Variants in LOC400499 observed in about 807,000 individuals in gnomAD.
chr16:11,379,447 G>A, the LOC400499 span, among the ~76,000 whole-genome samples: 1 of 152,198 alleles, frequency 6.6e-6, no homozygotes, highest in South Asian at 2.1e-4. Flanking sequence ...GGTCGATTTT[G>A]TCTGATATTA....
the LOC400499 span, among the ~76,000 whole-genome samples, chr16:11,420,993 A>C: frequency 6.6e-6 from 1 of 152,074 alleles, no homozygotes; most frequent in African/African-American, 2.4e-5. Context: ...CCTGAGTTTC[A>C]GGGGCTCTGT....
the LOC400499 span, among the ~76,000 whole-genome samples, chr16:11,521,276 C>T: frequency 2.0e-5 from 3 of 152,024 alleles, no homozygotes; most frequent in South Asian, 2.1e-4. Context: ...AACTAAAAGG[C>T]CTTTTATGTG....
chr16:11,498,776 G>A, the LOC400499 span, among the ~76,000 whole-genome samples: 2 of 151,714 alleles, frequency 1.3e-5, no homozygotes, highest in Non-Finnish European at 2.9e-5. Context: ...CAAGCCGATC[G>A]ATGCCACCTG....
the LOC400499 span, among the ~76,000 whole-genome samples, chr16:11,409,905 T>G: frequency 3.4e-3 from 518 of 152,336 alleles, 1 homozygote; most frequent in Non-Finnish European, 6.1e-3. Context: ...ATATTAACAA[T>G]TGGTCAATGT....
At chr16:11,491,699 A>G in the LOC400499 span, 1 of 380,028 alleles carries the variant, frequency 2.6e-6, no homozygotes, top group East Asian at 3.7e-5. Context: ...CCCATGGCTC[A>G]CCCTGGGTGG....
chr16:11,454,537 G>C, the LOC400499 span, among the ~76,000 whole-genome samples: 68 of 152,336 alleles, frequency 4.5e-4, no homozygotes, highest in South Asian at 4.1e-4. Flanking sequence ...AGATTAGAGA[G>C]GATGCGGCTG....
the LOC400499 span, among the ~76,000 whole-genome samples, chr16:11,484,657 A>G: frequency 6.6e-6 from 1 of 152,136 alleles, no homozygotes; most frequent in Non-Finnish European, 1.5e-5. Context: ...GTACACTTAC[A>G]ACTTAGGGAC....
chr16:11,384,585 T>A, the LOC400499 span, among the ~76,000 whole-genome samples: 1 of 152,304 alleles, frequency 6.6e-6, no homozygotes, highest in East Asian at 1.9e-4. Flanking sequence ...CTCAAGTGGC[T>A]GGAATCCAGG....
the LOC400499 span, chr16:11,396,549 T>C: frequency 8.1e-7 from 1 of 1,232,138 alleles, no homozygotes; most frequent in Non-Finnish European, 1.0e-6. Context: ...CGAGGCCTGC[T>C]GTGGTTTTGG....
At chr16:11,456,904 C>T in the LOC400499 span, 8 of 1,536,142 alleles carry the variant, frequency 5.2e-6, no homozygotes, top group African/African-American at 2.7e-5. Context: ...TTCCACTGCC[C>T]GCCTGCCACA....
chr16:11,467,630 TA>T, the LOC400499 span, among the ~76,000 whole-genome samples: 1 of 151,642 alleles, frequency 6.6e-6, no homozygotes, highest in African/African-American at 2.4e-5. Context: ...AAAATAAAAA[TA>T]AAAAAACAAA....
At chr16:11,373,835 G>A in the LOC400499 span, among the ~76,000 whole-genome samples, 1 of 151,984 alleles carries the variant, frequency 6.6e-6, no homozygotes, top group Non-Finnish European at 1.5e-5. Flanking sequence ...GGTCATGCTG[G>A]TCTCAAACTC....
the LOC400499 span, among the ~76,000 whole-genome samples, chr16:11,506,136 A>C: frequency 6.6e-6 from 1 of 152,158 alleles, no homozygotes; most frequent in Admixed American, 6.5e-5. Flanking sequence ...TCCTGGGTTC[A>C]AGCGATTCTT....
At chr16:11,404,161 G>GCCCACAC in the LOC400499 span, among the ~76,000 whole-genome samples, 25 of 152,238 alleles carry the variant, frequency 1.6e-4, 1 homozygote, top group East Asian at 4.8e-3. Flanking sequence ...CCTAAAGGAG[G>GCCCACAC]CCCACACCCC....
chr16:11,437,426 G>A, the LOC400499 span, among the ~76,000 whole-genome samples: 20 of 152,308 alleles, frequency 1.3e-4, no homozygotes, highest in Admixed American at 1.2e-3. Context: ...GAGCGTGGTG[G>A]CATGCACCTG....
the LOC400499 span, among the ~76,000 whole-genome samples, chr16:11,473,403 G>A: frequency 1.5e-3 from 228 of 150,738 alleles, 1 homozygote; most frequent in African/African-American, 5.2e-3. Context: ...TTTATTTCCT[G>A]TCTTTTTACC....
At chr16:11,446,740 ACACT>A in the LOC400499 span, 6 of 1,534,898 alleles carry the variant, frequency 3.9e-6, no homozygotes, top group Non-Finnish European at 5.2e-6. Flanking sequence ...TGCCCCAGAC[ACACT>A]CACGTAGGGG....
the LOC400499 span, among the ~76,000 whole-genome samples, chr16:11,441,798 G>C: frequency 6.6e-6 from 1 of 152,164 alleles, no homozygotes; most frequent in East Asian, 1.9e-4. Context: ...AAAAGGAAAG[G>C]AAACAGACTC....
the LOC400499 span, among the ~76,000 whole-genome samples, chr16:11,389,828 G>A: frequency 1.3e-5 from 2 of 151,862 alleles, no homozygotes; most frequent in East Asian, 3.9e-4. Flanking sequence ...CTTGTGCTTC[G>A]TGTCTGAGTA....
Sources: allele counts gnomAD v4.1 joint callset (sites outside exome capture counted in the v4.1 genomes callset), GRCh38; gene constraint gnomAD v4.1.1; transcripts MANE v1.5.